DPH6: variants seen among roughly 807,000 people sequenced by gnomAD.
DPH6 encodes the protein diphthine--ammonia ligase.
Under a neutral mutation model 38.2 loss-of-function variants are expected in DPH6, and 33 were observed. The ratio of observed to expected loss-of-function variants is 0.86; its 90% CI spans 0.65 to 1.15. The LOEUF is 1.15. Ranked by LOEUF, DPH6 falls within the 50% of genes most tolerant of loss-of-function variation. The probability of loss-of-function intolerance (pLI) is 0.00; values close to 1 mark genes in which losing one functional copy is unlikely to be tolerated. For synonymous variants in DPH6, 108 were observed against 103.0 expected, an observed-to-expected ratio of 1.05 and a Z score of -0.30; for missense variants, 325 against 320.0, an observed-to-expected ratio of 1.02 and a Z score of -0.12.
At chr15:35,273,557 A>G (rs2140429299) in intron 3 of DPH6, among the ~76,000 whole-genome samples, 2 of 152,344 alleles carry the variant, frequency 1.3e-5, no homozygotes, top group African/African-American at 4.8e-5. Flanking sequence ...AACTTCAGCA[A>G]AGTCTCAGGA....
At chr15:35,197,337 A>G in the DPH6 span, among the ~76,000 whole-genome samples, 3 of 152,230 alleles carry the variant, frequency 2.0e-5, no homozygotes, top group Non-Finnish European at 2.9e-5. Context: ...AAAATATGTT[A>G]ATATGATCAT....
In DPH6 at chr15:35,300,750, A is replaced by AG. The variant is rs377518735; in HGVS notation, n.200+72770dup. Among the ~76,000 whole-genome samples the AG allele has an allele frequency of 5.3e-5, 8 of 152,302 alleles. No individual in the cohort carries two copies. The East Asian group carries it at 1.5e-3, about 29-fold the overall frequency. On this transcript the variant is annotated intron_variant and non_coding_transcript_variant, in intron 3 of 3. Coordinates refer to the DPH6 transcript ENST00000560386. Reference sequence around the variant, plus strand: ...TTTCCATAAGTTATGTACCAAGGACAGGGAGTTTCAAATATTCTTTGCAAC... The same window carrying AG: ...TTTCCATAAGTTATGTACCAAGGACAGGGGAGTTTCAAATATTCTTTGCAAC...
At chr15:35,354,985 C>A (rs112825526) in intron 3 of DPH6, among the ~76,000 whole-genome samples, 9 of 152,216 alleles carry the variant, frequency 5.9e-5, no homozygotes, top group African/African-American at 2.2e-4. Flanking sequence ...TGGGTGCATA[C>A]ATATTTAGGA....
intron 3 of DPH6, among the ~76,000 whole-genome samples, chr15:35,284,801 ATTTTTTTTTTTTTTT>A (rs71123127): frequency 6.3e-5 from 5 of 79,218 alleles, no homozygotes; most frequent in African/African-American, 2.9e-4. Context: ...AAGTCTCCAA[ATTTTTTTTTTTTTTT>A]TTTTTTTTTT....
At chr15:35,454,641 T>C (rs1311643390) in intron 4 of DPH6, 106 bp downstream of exon 4, 22 of 925,260 alleles carry the variant, frequency 2.4e-5, no homozygotes, top group South Asian at 3.3e-5. Flanking sequence ...ATGGAGCACG[T>C]AGACTACCAT....
intron 5 of DPH6, among the ~76,000 whole-genome samples, chr15:35,413,839 T>G (rs935518620): frequency 2.2e-4 from 34 of 151,762 alleles, no homozygotes; most frequent in African/African-American, 7.7e-4. Context: ...TTTTATTTTT[T>G]TCTGCCTCAT....
chr15:35,252,677 C>T (rs975861884), intron 3 of DPH6, among the ~76,000 whole-genome samples: 30 of 152,216 alleles, frequency 2.0e-4, no homozygotes, highest in African/African-American at 7.2e-4. Context: ...GGAAATAGGT[C>T]ATAAGGTCTA....
intron 6 of DPH6, among the ~76,000 whole-genome samples, chr15:35,383,563 C>T (rs1385302502): frequency 4.6e-5 from 7 of 152,174 alleles, no homozygotes; most frequent in Admixed American, 3.9e-4. Context: ...GACGCAACAG[C>T]GATATTGCCT....
chr15:35,522,025 G>A (rs2054929279), intron 3 of DPH6: 2 of 1,552,430 alleles, frequency 1.3e-6, no homozygotes, highest in South Asian at 2.5e-5. Context: ...GGACAGATCA[G>A]CATCCAATTA....
intron 5 of DPH6, among the ~76,000 whole-genome samples, chr15:35,415,828 C>A (rs2053428829): frequency 6.6e-6 from 1 of 151,880 alleles, no homozygotes. Flanking sequence ...AATTTTCAAC[C>A]ATTTTCCTGA....
the DPH6 span, among the ~76,000 whole-genome samples, chr15:35,206,397 T>C: frequency 1.3e-5 from 2 of 152,156 alleles, no homozygotes; most frequent in African/African-American, 4.8e-5. Flanking sequence ...AGGAAATCTA[T>C]TGAGAGTAGA....
chr15:35,399,099 G>A (rs2053185068), intron 6 of DPH6, among the ~76,000 whole-genome samples: 2 of 152,132 alleles, frequency 1.3e-5, no homozygotes, highest in Admixed American at 6.6e-5. Context: ...CAAGAAATCT[G>A]AGGAACATTT....
At chr15:35,267,119 G>T (rs1207564481) in intron 3 of DPH6, among the ~76,000 whole-genome samples, 1 of 152,116 alleles carries the variant, frequency 6.6e-6, no homozygotes, top group Admixed American at 6.5e-5. Context: ...GTGGAAATGT[G>T]CATGGACAGT....
chr15:35,312,371 A>T (rs1331976512), intron 3 of DPH6, among the ~76,000 whole-genome samples: 1 of 152,204 alleles, frequency 6.6e-6, no homozygotes, highest in Admixed American at 6.5e-5. Flanking sequence ...GCTAGATTTT[A>T]GAAACCTCCA....
At chr15:35,320,128 T>C (rs75977616) in intron 3 of DPH6, among the ~76,000 whole-genome samples, 4,454 of 152,280 alleles carry the variant, frequency 0.029, 219 homozygotes, top group African/African-American at 0.1. Flanking sequence ...GCTTTTTTTT[T>C]CAGATATATT....
chr15:35,254,891 G>A (rs906659133), intron 3 of DPH6, among the ~76,000 whole-genome samples: 3 of 152,128 alleles, frequency 2.0e-5, no homozygotes, highest in Non-Finnish European at 2.9e-5. Flanking sequence ...ATTCTCAAGG[G>A]TGGGGAGAAT....
At chr15:35,431,007 A>G (rs556186339) in intron 5 of DPH6, among the ~76,000 whole-genome samples, 1 of 152,276 alleles carries the variant, frequency 6.6e-6, no homozygotes, top group East Asian at 1.9e-4. Flanking sequence ...ATTGAAAACC[A>G]TAGACTTTAT....
chr15:35,353,408 T>C (rs1251672321), intron 3 of DPH6, among the ~76,000 whole-genome samples: 1 of 152,246 alleles, frequency 6.6e-6, no homozygotes, highest in Non-Finnish European at 1.5e-5. Context: ...TTTTTATGGT[T>C]TTAAGTCTAA....
At chr15:35,441,494 G>T (rs145899511) in intron 5 of DPH6, among the ~76,000 whole-genome samples, 3,430 of 152,298 alleles carry the variant, frequency 0.023, 59 homozygotes, top group Middle Eastern at 0.044. Context: ...AAAAGGATGA[G>T]TTCGTCGCCT....
Sources: gnomAD v4.1 joint callset for allele counts (sites outside exome capture counted in the v4.1 genomes callset) on GRCh38, gnomAD v4.1.1 for gene constraint, MANE v1.5 for transcripts, NCBI Gene and HGNC (gene_info 2026-07-23, HGNC 2026-07-21) for gene names.